MSH4: variants seen among roughly 807,000 people sequenced by gnomAD.
MSH4 encodes mutS homolog 4, also known as mutS protein homolog 4.
MSH4 carries 106 observed loss-of-function variants against 113.7 expected under a neutral mutation model. That is an observed-to-expected ratio of 0.93 (90% CI 0.80 to 1.10). The LOEUF (loss-of-function observed/expected upper bound fraction) is 1.10. Ranked by LOEUF, MSH4 falls within the 50% of genes least tolerant of loss-of-function variation. The pLI, the probability that MSH4 is intolerant of heterozygous loss-of-function variation, is 0.00. For missense variants in MSH4, 1,061 were observed against 1,093.7 expected (o/e 0.97, Z 0.42); for synonymous variants, 368 against 380.2 (o/e 0.97, Z 0.37).
At chr1:75,811,315 A>G (rs72979204) in intron 4 of MSH4, among the ~76,000 whole-genome samples, 1 of 152,352 alleles carries the variant, frequency 6.6e-6, no homozygotes, top group African/African-American at 2.4e-5. Context: ...AATAAAAATG[A>G]TAGGGAATTT....
Position 75,806,983 on chromosome 1 carries a change from T to C in MSH4, c.430T>C (p.Ser144Pro). The C allele has an allele frequency of 6.4e-7, 1 of 1,565,772 alleles. No homozygotes were observed. Among genetic ancestry groups the C allele is most frequent in the Non-Finnish European group, 8.6e-7 (1 of 1,164,768 alleles). Residue 144 changes from serine to proline, a missense_variant and splice_region_variant, in exon 3 of 20, where the codon TCA (serine) becomes CCA (proline). By Grantham distance (74) the Ser-to-Pro change is moderately conservative. Coordinates refer to ENST00000263187, the MANE Select transcript of MSH4 (RefSeq NM_002440.4). ...SWTPQVGYSASSSSAISAHSP... is the reference protein window; with the variant it reads ...SWTPQVGYSAPSSSAISAHSP... Reference sequence around the variant, plus strand: ...TTTCTTTATTTAAAAATTTACAGCTTCATCCTCATCTGCGATTTCTGCACA... The same window carrying C: ...TTTCTTTATTTAAAAATTTACAGCTCCATCCTCATCTGCGATTTCTGCACA...
intron 7 of MSH4, among the ~76,000 whole-genome samples, chr1:75,846,249 C>T (rs1042501720): frequency 6.6e-6 from 1 of 152,186 alleles, no homozygotes; most frequent in African/African-American, 2.4e-5. Flanking sequence ...TCTTTCTATA[C>T]TAATATTTTT....
intron 2 of MSH4, among the ~76,000 whole-genome samples, chr1:75,805,768 T>C (rs1650046822): frequency 6.6e-6 from 1 of 152,148 alleles, no homozygotes; most frequent in South Asian, 2.1e-4. Flanking sequence ...CCATCAATAG[T>C]GTATAAGGTA....
At chr1:75,843,335 C>G (rs1257756892) in intron 7 of MSH4, among the ~76,000 whole-genome samples, 1 of 152,162 alleles carries the variant, frequency 6.6e-6, no homozygotes, top group Non-Finnish European at 1.5e-5. Flanking sequence ...TTTCTACACT[C>G]TCTCGTTGCT....
At chr1:75,878,523 G>A (rs1651863235) in intron 11 of MSH4, among the ~76,000 whole-genome samples, 1 of 152,140 alleles carries the variant, frequency 6.6e-6, no homozygotes, top group Admixed American at 6.5e-5. Flanking sequence ...ACCTTCCATT[G>A]CCAAGTGCAA....
chr1:75,819,864 C>G (rs574064220), intron 6 of MSH4, among the ~76,000 whole-genome samples: 1 of 152,188 alleles, frequency 6.6e-6, no homozygotes, highest in East Asian at 1.9e-4. Context: ...GTGCCTGCCA[C>G]TATACCTGGC....
intron 19 of MSH4, among the ~76,000 whole-genome samples, chr1:75,902,361 C>T: frequency 6.6e-6 from 1 of 151,872 alleles, no homozygotes; most frequent in East Asian, 1.9e-4. Context: ...CCACCTCCTA[C>T]CTTCCCCCTT....
At position 75,865,301 on chromosome 1, in the gene MSH4, G is replaced by GT. The variant is rs201922393; in HGVS notation, c.1231-2205dup. 1.6e-4 allele frequency among the ~76,000 whole-genome samples: 25 copies of GT among 151,890 alleles called. No individual in the cohort carries two copies. In the East Asian group the frequency reaches 3.9e-3, roughly 24 times the overall value. On this transcript the variant is annotated intron_variant, in intron 8 of 19. Coordinates refer to ENST00000263187, the MANE Select transcript of MSH4 (RefSeq NM_002440.4). ...TAATTTAAATGGATCTAGTTTATCA[G>GT]TTTTTTTTCCCTTCATAGTTAGTGT...
chr1:75,833,425 GA>G (rs36153616), intron 7 of MSH4, among the ~76,000 whole-genome samples: 2 of 152,100 alleles, frequency 1.3e-5, no homozygotes, highest in Admixed American at 1.3e-4. Flanking sequence ...CACAGAATTG[GA>G]AAAAACTACT....
At chr1:75,871,694 G>T (rs949722243) in intron 9 of MSH4, among the ~76,000 whole-genome samples, 1 of 152,158 alleles carries the variant, frequency 6.6e-6, no homozygotes, top group South Asian at 2.1e-4. Flanking sequence ...GGAAATGTTT[G>T]CAACATCTAT....
chr1:75,870,915 T>C (rs757532627), intron 9 of MSH4, among the ~76,000 whole-genome samples: 2 of 152,190 alleles, frequency 1.3e-5, no homozygotes, highest in Non-Finnish European at 2.9e-5. Flanking sequence ...ACACAAATTT[T>C]AAACTTTGGT....
At chr1:75,852,112 T>A (rs1350846944) in intron 8 of MSH4, among the ~76,000 whole-genome samples, 1 of 152,266 alleles carries the variant, frequency 6.6e-6, no homozygotes. Flanking sequence ...CCTGGACATT[T>A]TATATAAATG....
At chr1:75,830,123 C>G (rs916944900) in intron 7 of MSH4, among the ~76,000 whole-genome samples, 1 of 151,942 alleles carries the variant, frequency 6.6e-6, no homozygotes, top group African/African-American at 2.4e-5. Flanking sequence ...AACCGTGGCA[C>G]GAGAACTTCT....
intron 8 of MSH4, among the ~76,000 whole-genome samples, chr1:75,866,286 A>G (rs772153837): frequency 3.0e-4 from 45 of 147,728 alleles, no homozygotes; most frequent in Middle Eastern, 3.5e-3. Context: ...CTCAGCCTCT[A>G]TGTAGCTGGA....
chr1:75,840,814 C>T (rs1650943027), intron 7 of MSH4, among the ~76,000 whole-genome samples: 2 of 151,982 alleles, frequency 1.3e-5, no homozygotes, highest in East Asian at 1.9e-4. Context: ...CCTCAAGGAC[C>T]TCACATCCAT....
intron 3 of MSH4, 64 bp downstream of exon 3, chr1:75,807,205 T>C (rs573374259): frequency 1.9e-5 from 25 of 1,302,166 alleles, no homozygotes; most frequent in Non-Finnish European, 2.5e-5. Flanking sequence ...TTAAAGTCAG[T>C]GCCTTCCCAA....
intron 15 of MSH4, among the ~76,000 whole-genome samples, chr1:75,884,803 G>T (rs1159695449): frequency 6.6e-6 from 1 of 151,700 alleles, no homozygotes; most frequent in Non-Finnish European, 1.5e-5. Context: ...AGAGACAAAT[G>T]AGTTAATGAA....
chr1:75,805,121 A>G (rs1044797746), intron 2 of MSH4, among the ~76,000 whole-genome samples: 1,402 of 144,418 alleles, frequency 9.7e-3, no homozygotes, highest in African/African-American at 0.011. Flanking sequence ...CACCGCACCC[A>G]GCCCTGACCT....
intron 8 of MSH4, among the ~76,000 whole-genome samples, chr1:75,850,931 G>C (rs1307813324): frequency 1.3e-5 from 2 of 152,014 alleles, no homozygotes. Context: ...ATTATGAAAT[G>C]ATGCTTTTTT....
Sources: gnomAD v4.1 joint callset for allele counts (sites outside exome capture counted in the v4.1 genomes callset) on GRCh38, gnomAD v4.1.1 for gene constraint, MANE v1.5 for transcripts, NCBI Gene and HGNC (gene_info 2026-07-23, HGNC 2026-07-21) for gene names.